The following CEP20 variants were observed in gnomAD, a reference collection of about 807,000 sequenced individuals.
CEP20 encodes FGFR1OP N-terminal like.
In CEP20, 18 loss-of-function variants were observed where a neutral mutation model predicts 20.0. The observed-to-expected ratio is 0.90, with a 90% CI of 0.62 to 1.34. CEP20 has a LOEUF of 1.34. Ranked by LOEUF, CEP20 falls within the 40% of genes most tolerant of loss-of-function variation. The pLI is 0.00. For missense variants in CEP20, 215 were observed against 201.6 expected, an observed-to-expected ratio of 1.07 and a Z score of -0.40; for synonymous variants, 77 against 73.7, an observed-to-expected ratio of 1.04 and a Z score of -0.23.
At chr16:15,880,893 GATCTCTCACTGCCTCCC>G (rs1345246375) in intron 2 of CEP20, among the ~76,000 whole-genome samples, 1 of 151,476 alleles carries the variant, frequency 6.6e-6, no homozygotes, top group Non-Finnish European at 1.5e-5. Context: ...AAGGCCTGAT[GATCTCTCACTGCCTCCC>G]ATCACCCCCA....
At position 15,879,866 on chromosome 16, in the gene CEP20, C is replaced by T. The variant is rs983064724; in HGVS notation, c.249G>A (p.Pro83=). ...LIAESGQPVV[P]LDRQFLIHEL... is the part of the protein sequence containing the mutation. Reference sequence around the variant, plus strand: ...CATGGATGAGAAACTGTCTGTCCAACGGAACTACAGGTTGACCAGATTCTG... The same window carrying T: ...CATGGATGAGAAACTGTCTGTCCAATGGAACTACAGGTTGACCAGATTCTG... Residue 83 remains proline, a synonymous_variant, in exon 3 of 5, where the codon CCG becomes CCA. Transcript: ENST00000255759. 20 of 1,568,766 alleles carry T rather than the reference C, an allele frequency of 1.3e-5. No individual in the cohort carries two copies. Among genetic ancestry groups the T allele is most frequent in the East Asian group, 1.2e-4 (5 of 40,956 alleles).
At chr16:15,881,898 A>G (rs77969624) in intron 2 of CEP20, among the ~76,000 whole-genome samples, 9,948 of 152,054 alleles carry the variant, frequency 0.065, 1,035 homozygotes, top group African/African-American at 0.22. Flanking sequence ...TCTGCCTCCT[A>G]TCACTAGGAT....
intron 2 of CEP20, among the ~76,000 whole-genome samples, chr16:15,882,391 T>G (rs2045120602): frequency 6.6e-6 from 1 of 151,932 alleles, no homozygotes; most frequent in Admixed American, 6.6e-5. Context: ...TACAAAAAAT[T>G]AGCTGGGCAT....
intron 3 of CEP20, among the ~76,000 whole-genome samples, chr16:15,876,451 G>T (rs2151424906): frequency 6.6e-6 from 1 of 151,528 alleles, no homozygotes; most frequent in South Asian, 2.1e-4. Context: ...CTCCAGCCTG[G>T]ACGACAGAGT....
Position 15,867,771 on chromosome 16 carries a change from T to C in CEP20, c.449-255A>G, listed in dbSNP as rs1265925935. On this transcript the variant is annotated intron_variant, in intron 4 of 4. Transcript: ENST00000255759. ...GTGGATCACCTGAGGTCAAGAGTTA[T>C]AGACTAGTCTGGCCAACATGGTGAA... Among the ~76,000 whole-genome samples the C allele has an allele frequency of 2.6e-5, 4 of 151,936 alleles. No individual in the cohort carries two copies. The East Asian group carries it at 7.7e-4, about 29-fold the overall frequency.
chr16:15,879,144 A>G (rs922638306), intron 3 of CEP20, among the ~76,000 whole-genome samples: 4 of 152,188 alleles, frequency 2.6e-5, no homozygotes, highest in African/African-American at 9.7e-5. Context: ...GAGGAGGTAC[A>G]CAGAGGGCAA....
At chr16:15,887,270 T>C (rs1052499152) in intron 1 of CEP20, among the ~76,000 whole-genome samples, 7 of 146,582 alleles carry the variant, frequency 4.8e-5, no homozygotes, top group African/African-American at 1.8e-4. Context: ...GAACAGCATC[T>C]GTAGACTCGT....
chr16:15,887,780 G>A (rs988284510), intron 1 of CEP20, among the ~76,000 whole-genome samples: 1 of 152,128 alleles, frequency 6.6e-6, no homozygotes, highest in African/African-American at 2.4e-5. Flanking sequence ...GGCCAGGCCA[G>A]CAAACTTTTT....
intron 4 of CEP20, among the ~76,000 whole-genome samples, chr16:15,869,821 C>T (rs1413889587): frequency 6.6e-6 from 1 of 152,170 alleles, no homozygotes; most frequent in African/African-American, 2.4e-5. Flanking sequence ...AAACATGATG[C>T]AGTTCTGGCT....
intron 3 of CEP20, among the ~76,000 whole-genome samples, chr16:15,876,852 CTTT>C (rs150019067): frequency 2.2e-5 from 3 of 135,944 alleles, no homozygotes; most frequent in Non-Finnish European, 1.6e-5. Context: ...CTCAAACTTA[CTTT>C]TTTTTTTTTT....
At chr16:15,869,630 A>G (rs1391663935) in intron 4 of CEP20, among the ~76,000 whole-genome samples, 1 of 152,108 alleles carries the variant, frequency 6.6e-6, no homozygotes, top group African/African-American at 2.4e-5. Flanking sequence ...TTTTCAAGTA[A>G]AAGCCAATTT....
At chr16:15,881,651 G>T (rs1408032242) in intron 2 of CEP20, among the ~76,000 whole-genome samples, 1 of 151,624 alleles carries the variant, frequency 6.6e-6, no homozygotes, top group Non-Finnish European at 1.5e-5. Context: ...ACCCCCAGCT[G>T]CATCCCCCAC....
intron 2 of CEP20, among the ~76,000 whole-genome samples, chr16:15,881,325 A>T (rs60492536): frequency 1.3e-5 from 2 of 152,066 alleles, no homozygotes; most frequent in African/African-American, 4.8e-5. Flanking sequence ...CCAAGTCCCC[A>T]CTATTTTCAT....
chr16:15,867,654 A>C (rs1158714435), intron 4 of CEP20, 138 bp from the exon 5 acceptor site: 3 of 550,460 alleles, frequency 5.4e-6, no homozygotes, highest in East Asian at 6.1e-5. Flanking sequence ...CAATGAAAAA[A>C]ACCCATTATT....
chr16:15,884,275 G>C, intron 1 of CEP20, 70 bp from the exon 2 acceptor site: 1 of 1,420,202 alleles, frequency 7.0e-7, no homozygotes, highest in Non-Finnish European at 9.6e-7. Context: ...ACTTTGAAAA[G>C]AAATGTTGAA....
intron 1 of CEP20, 115 bp downstream of exon 1, chr16:15,888,443 A>T: frequency 7.2e-7 from 1 of 1,383,732 alleles, no homozygotes; most frequent in Non-Finnish European, 1.0e-6. Flanking sequence ...CACACCGAAG[A>T]ATGACGCCTG....
intron 3 of CEP20, among the ~76,000 whole-genome samples, chr16:15,877,455 T>C (rs1049392389): frequency 3.3e-5 from 5 of 152,232 alleles, no homozygotes; most frequent in African/African-American, 9.6e-5. Flanking sequence ...TTCTCAATTA[T>C]ACAATTTTTA....
chr16:15,881,778 CACTCAATAACTGTT>C (rs1168297974), intron 2 of CEP20, among the ~76,000 whole-genome samples: 1 of 152,094 alleles, frequency 6.6e-6, no homozygotes, highest in African/African-American at 2.4e-5. Flanking sequence ...ATATTCTCAC[CACTCAATAACTGTT>C]ACACTTGAAG....
At position 15,879,879 on chromosome 16, in the gene CEP20, T is replaced by A. The variant is rs1201735256; in HGVS notation, c.236A>T (p.Gln79Leu). 1 of 1,581,978 alleles carries A rather than the reference T, an allele frequency of 6.3e-7. No homozygotes were observed. The highest frequency in any genetic ancestry group is 1.4e-5 in the African/African-American group (1 of 72,368). ...TASVLIAESG[Q>L]PVVPLDRQFL... ...CTGTCTGTCCAACGGAACTACAGGTTGACCAGATTCTGGGAGAAATAAATT... is the reference window on the plus strand; with the variant it reads ...CTGTCTGTCCAACGGAACTACAGGTAGACCAGATTCTGGGAGAAATAAATT... The change falls in exon 3 of 5, where the codon CAA (glutamine) becomes CTA (leucine). Residue 79 changes from glutamine (Q) to leucine (L), a missense_variant. Physicochemically the swap from Gln to Leu is moderately radical, Grantham distance 113. Coordinates refer to ENST00000255759, the MANE Select transcript of CEP20 (RefSeq NM_144600.4).
Sources: gnomAD v4.1 joint callset for allele counts (sites outside exome capture counted in the v4.1 genomes callset) on GRCh38, gnomAD v4.1.1 for gene constraint, MANE v1.5 for transcripts, NCBI Gene and HGNC (gene_info 2026-07-23, HGNC 2026-07-21) for gene names.